Variants in RNF220 observed in about 807,000 individuals in gnomAD.
RNF220 encodes E3 ubiquitin-protein ligase RNF220.
Under a neutral mutation model 67.1 loss-of-function variants are expected in RNF220, and 7 were observed. The observed-to-expected ratio is 0.10, with a 90% CI of 0.06 to 0.20. The LOEUF (loss-of-function observed/expected upper bound fraction) is 0.20, where lower values mean the gene tolerates loss of function less well. RNF220 is among the 10% of genes least tolerant of loss of function. RNF220 has a pLI of 1.00. For missense variants in RNF220, 565 were observed against 740.3 expected (o/e 0.76, Z 2.75); for synonymous variants, 270 against 283.2 (o/e 0.95, Z 0.47).
chr1:44,551,153 C>T (rs1444339943), intron 2 of RNF220, among the ~76,000 whole-genome samples: 4 of 117,856 alleles, frequency 3.4e-5, no homozygotes, highest in East Asian at 4.8e-4. Flanking sequence ...GGCGCTCTGT[C>T]GCCCAGGCTG....
intron 2 of RNF220, among the ~76,000 whole-genome samples, chr1:44,523,573 A>G (rs1474779676): frequency 6.6e-6 from 1 of 152,170 alleles, no homozygotes; most frequent in Admixed American, 6.5e-5. Context: ...AGCTCTGCCA[A>G]AACCTCATCT....
intron 2 of RNF220, among the ~76,000 whole-genome samples, chr1:44,493,582 A>T (rs2148059372): frequency 6.6e-6 from 1 of 152,310 alleles, no homozygotes; most frequent in South Asian, 2.1e-4. Context: ...TATCCCCAAG[A>T]TATCTCATTA....
chr1:44,644,424 C>T, intron 8 of RNF220: 1 of 379,828 alleles, frequency 2.6e-6, no homozygotes, highest in Non-Finnish European at 4.9e-6. Flanking sequence ...GCTGAGTGTC[C>T]CCGAGGACGT....
chr1:44,526,405 C>G (rs1227323999), intron 2 of RNF220, among the ~76,000 whole-genome samples: 1 of 152,150 alleles, frequency 6.6e-6, no homozygotes, highest in East Asian at 1.9e-4. Context: ...GCCAAACAGC[C>G]ACAACTTTTC....
At chr1:44,567,332 G>A (rs1664097841) in intron 2 of RNF220, among the ~76,000 whole-genome samples, 1 of 152,092 alleles carries the variant, frequency 6.6e-6, no homozygotes, top group African/African-American at 2.4e-5. Flanking sequence ...GTGAAGGGAG[G>A]AGCATGTGAT....
intron 1 of RNF220, 68 bp downstream of exon 1, chr1:44,405,598 G>A: frequency 3.3e-6 from 1 of 299,520 alleles, no homozygotes; most frequent in Non-Finnish European, 6.2e-6. Flanking sequence ...AGGGCGGCCG[G>A]CTTGTTCAGG....
rs1173135353 is a variant in RNF220, at chr1:44,650,631, T to C, written c.1630-73T>C. ...ACACACTGGTGCAGAGAGACATGGC[T>C]GCAGGCCCAGGTGCTCACATGCGCA... On this transcript the variant is annotated intron_variant, in intron 14 of 14. Transcript: ENST00000361799. The surrounding 1 kb of genome is among the most constrained non-coding windows in gnomAD (Gnocchi z 4.3). The C allele has an allele frequency of 2.6e-6, 4 of 1,512,206 alleles. No homozygotes were observed. The Admixed American group carries it at 6.7e-5, about 25-fold the overall frequency. The allele number at this position is 1,512,206 out of a possible 1,614,324, so 93.7% of individuals were successfully genotyped here. A position where few individuals can be genotyped will look rare whatever the true frequency, so the allele number is the denominator to read the frequency against.
intron 2 of RNF220, among the ~76,000 whole-genome samples, chr1:44,577,058 G>A (rs1325715183): frequency 2.0e-5 from 3 of 152,174 alleles, no homozygotes; most frequent in Non-Finnish European, 4.4e-5. Context: ...ACAGAGCAGA[G>A]GCTGATACAG....
intron 2 of RNF220, among the ~76,000 whole-genome samples, chr1:44,475,269 A>C (rs1655189469): frequency 6.6e-6 from 1 of 152,196 alleles, no homozygotes; most frequent in African/African-American, 2.4e-5. Context: ...TATATTTTTT[A>C]AGTTAAAATA....
chr1:44,450,531 G>A (rs908763627), intron 2 of RNF220, among the ~76,000 whole-genome samples: 1 of 152,148 alleles, frequency 6.6e-6, no homozygotes, highest in African/African-American at 2.4e-5. Flanking sequence ...GTATATTTAT[G>A]TAGATAGAAA....
At chr1:44,405,227 C>T, upstream of RNF220, 1 of 354,388 alleles carries the variant, frequency 2.8e-6, no homozygotes, top group Non-Finnish European at 5.1e-6. Context: ...GTGTGTGTGT[C>T]TCCGAGTCCC....
At chr1:44,579,743 C>T (rs1665095294) in intron 2 of RNF220, among the ~76,000 whole-genome samples, 1 of 152,012 alleles carries the variant, frequency 6.6e-6, no homozygotes, top group African/African-American at 2.4e-5. Flanking sequence ...TGGACCATGT[C>T]CTGAAGAAGT....
intron 2 of RNF220, among the ~76,000 whole-genome samples, chr1:44,425,603 C>G (rs1312257255): frequency 6.6e-6 from 1 of 152,180 alleles, no homozygotes; most frequent in African/African-American, 2.4e-5. Flanking sequence ...CAGTCAGAAG[C>G]TCTGGGCCTG....
At chr1:44,592,730 G>T (rs1171824310) in intron 2 of RNF220, among the ~76,000 whole-genome samples, 2 of 152,208 alleles carry the variant, frequency 1.3e-5, no homozygotes, top group Non-Finnish European at 2.9e-5. Flanking sequence ...GGGAAAAGAA[G>T]ACTCGGATGG....
chr1:44,431,930 C>A (rs1650425498), intron 2 of RNF220, among the ~76,000 whole-genome samples: 1 of 152,214 alleles, frequency 6.6e-6, no homozygotes, highest in Non-Finnish European at 1.5e-5. Flanking sequence ...CTGGGTTTTA[C>A]CTTCTCATGT....
intron 2 of RNF220, among the ~76,000 whole-genome samples, chr1:44,570,595 C>T (rs12569316): frequency 6.6e-6 from 1 of 152,064 alleles, no homozygotes; most frequent in Non-Finnish European, 1.5e-5. Flanking sequence ...TGAGTCTTGG[C>T]ACCTCTTTTT....
At chr1:44,512,626 C>T (rs1387178375) in intron 2 of RNF220, among the ~76,000 whole-genome samples, 1 of 152,180 alleles carries the variant, frequency 6.6e-6, no homozygotes, top group Non-Finnish European at 1.5e-5. Context: ...ATGGGGTGAG[C>T]ATTTGTTTCC....
intron 2 of RNF220, among the ~76,000 whole-genome samples, chr1:44,434,457 C>A (rs897683825): frequency 6.6e-6 from 1 of 151,946 alleles, no homozygotes; most frequent in Admixed American, 6.6e-5. Context: ...CCCTGTAATC[C>A]CAGCACTTTG....
intron 2 of RNF220, among the ~76,000 whole-genome samples, chr1:44,434,748 G>A (rs1488055441): frequency 2.0e-5 from 3 of 151,452 alleles, no homozygotes; most frequent in Admixed American, 6.6e-5. Flanking sequence ...TGGCTGTTGC[G>A]TGACTAACAG....
Sources: gnomAD v4.1 joint callset for allele counts (sites outside exome capture counted in the v4.1 genomes callset) on GRCh38, gnomAD v4.1.1 for gene constraint, Gnocchi (gnomAD v3.1) non-coding constraint, MANE v1.5 for transcripts, NCBI Gene and HGNC (gene_info 2026-07-23, HGNC 2026-07-21) for gene names.